The following LZTFL1 variants were observed in gnomAD, a reference collection of about 807,000 sequenced individuals.
LZTFL1 encodes the protein leucine zipper transcription factor like 1.
Under a neutral mutation model 45.9 loss-of-function variants are expected in LZTFL1, and 25 were observed. The ratio of observed to expected loss-of-function variants is 0.54; its 90% CI spans 0.40 to 0.76. LZTFL1 has a LOEUF of 0.76. Ranked by LOEUF, LZTFL1 falls within the 30% of genes least tolerant of loss-of-function variation. The probability of loss-of-function intolerance (pLI) is 0.00; values close to 1 mark genes in which losing one functional copy is unlikely to be tolerated. For synonymous variants in LZTFL1, 93 were observed against 117.4 expected (o/e 0.79, Z 1.35); for missense variants, 277 against 331.1 (o/e 0.84, Z 1.27).
At chr3:45,841,920 C>T (rs1023734790) in intron 1 of LZTFL1, 69 bp downstream of exon 1, 3 of 1,579,070 alleles carry the variant, frequency 1.9e-6, no homozygotes, top group South Asian at 2.3e-5. Context: ...GGCCCACCCG[C>T]TCAGTGTCTC....
At chr3:45,849,643 C>G (rs1701277153) in intron 4 of LZTFL1, among the ~76,000 whole-genome samples, 1 of 152,140 alleles carries the variant, frequency 6.6e-6, no homozygotes. Flanking sequence ...ACCCGGTCAG[C>G]CTGCAAAACT....
At chr3:45,850,274 G>C (rs901554528) in intron 4 of LZTFL1, among the ~76,000 whole-genome samples, 5 of 152,212 alleles carry the variant, frequency 3.3e-5, no homozygotes, top group African/African-American at 1.2e-4. Context: ...TTTGTGAAGA[G>C]AGAATGGAGG....
chr3:45,851,468 G>T (rs61587933), intron 4 of LZTFL1, among the ~76,000 whole-genome samples: 69 of 151,520 alleles, frequency 4.6e-4, no homozygotes, highest in African/African-American at 1.5e-3. Context: ...CTCATGATCC[G>T]CCCGCCTCGG....
rs145758884 is a variant in LZTFL1, at chr3:45,841,625, T to C, written c.3+364A>G. On this transcript the variant is annotated intron_variant, in intron 1 of 9. Transcript: ENST00000296135. ...GTGTGTGTGTGCGTAAACTTGGAGC[T>C]TCTTGAAATAGAGTTAAGAACCCTG... 1,989 of 337,804 alleles carry C rather than the reference T, an allele frequency of 5.9e-3. 12 individuals carry two copies. The highest frequency in any genetic ancestry group is 0.018 in the Middle Eastern group (21 of 1,162). 20.9% of individuals were successfully genotyped at this position (337,804 alleles called of 1,614,324 possible).
At chr3:45,827,510 A>T (rs749035937) in intron 8 of LZTFL1, 51 bp from the exon 9 acceptor site, 1 of 1,111,336 alleles carries the variant, frequency 9.0e-7, no homozygotes, top group Non-Finnish European at 1.4e-6. Context: ...TTAAGGAAAG[A>T]GATAACAAAT....
At chr3:45,886,847 G>A (rs1329823587) in intron 2 of LZTFL1, among the ~76,000 whole-genome samples, 1 of 152,054 alleles carries the variant, frequency 6.6e-6, no homozygotes, top group African/African-American at 2.4e-5. Flanking sequence ...TTTCTTGTAG[G>A]GCGAGTAATA....
chr3:45,913,324 T>A, intron 1 of LZTFL1: 1 of 601,000 alleles, frequency 1.7e-6, no homozygotes, highest in Non-Finnish European at 2.9e-6. Flanking sequence ...TTTTTTGGCC[T>A]CATCCACACC....
chr3:45,915,462 C>T (rs1195139862), exon 1 of LZTFL1: 1 of 454,782 alleles, frequency 2.2e-6, no homozygotes, highest in Non-Finnish European at 4.4e-6. Flanking sequence ...TGGCTTCCTT[C>T]TCTCCTCCGA....
At position 45,849,365 on chromosome 3, in the gene LZTFL1, C is replaced by T. The variant is rs116295038; in HGVS notation, c.-49+5621G>A. Among the ~76,000 whole-genome samples, 932 of 152,270 alleles carry T rather than the reference C, an allele frequency of 6.1e-3. 8 individuals carry two copies. The highest frequency in any genetic ancestry group is 0.018 in the African/African-American group (742 of 41,554). On this transcript the variant is annotated intron_variant, in intron 4 of 4. Coordinates refer to the LZTFL1 transcript ENST00000472635. The stretch of plus-strand genomic sequence containing the variant: ...GCCCAGCATGTGGACTCCTTACAAA[C>T]GCTAAGAGATTAAATGTTAGATGAG...
At chr3:45,838,185 C>A in intron 1 of LZTFL1, 134 bp from the exon 2 acceptor site, 1 of 951,780 alleles carries the variant, frequency 1.1e-6, no homozygotes, top group Non-Finnish European at 1.5e-6. Context: ...TTCTTCCTGG[C>A]TGCATGGCTG....
rs1169401073 is a variant in LZTFL1 at position 45,913,263 on chromosome 3, CTT to C, written c.-272-88_-272-87del. The C allele has an allele frequency of 6.9e-6, 7 of 1,014,758 alleles. No individual in the cohort carries two copies. In the East Asian group the frequency reaches 1.6e-4, roughly 24 times the overall value. The allele number at this position is 1,014,758 out of a possible 1,614,324, so 62.9% of individuals were successfully genotyped here. On this transcript the variant is annotated intron_variant, in intron 1 of 4. Coordinates refer to the LZTFL1 transcript ENST00000472635. ...AGTGCTGCAATGAGCTGATCTTTCT[CTT>C]GTTTTTCATGAGGACCTGCCACAAC...
Position 45,835,660 on chromosome 3 carries a change from G to A in LZTFL1, c.253C>T (p.Arg85Ter), listed in dbSNP as rs1374806070. 3 of 1,613,942 alleles carry A rather than the reference G, an allele frequency of 1.9e-6. No individual in the cohort carries two copies. Among genetic ancestry groups the A allele is most frequent in the Non-Finnish European group, 1.7e-6 (2 of 1,179,974 alleles). The change falls in exon 3 of 10, where the codon CGA becomes TGA. Residue 85 changes from arginine (R) to a stop codon, truncating the protein, a stop_gained. Transcript: ENST00000296135. LOFTEE classifies it high-confidence loss of function. ...NTAYTNVLLL[R>*]QLFAQAEKWY... Reference sequence around the variant, plus strand: ...TTCTCAGCTTGTGCAAACAGCTGTCGCAGAAGTAACACATTGGTATAGGCA... The same window carrying A: ...TTCTCAGCTTGTGCAAACAGCTGTCACAGAAGTAACACATTGGTATAGGCA...
chr3:45,885,430 C>T (rs940878495), intron 2 of LZTFL1, among the ~76,000 whole-genome samples: 18 of 152,138 alleles, frequency 1.2e-4, no homozygotes, highest in Non-Finnish European at 2.6e-4. Context: ...CAAAGTTTTA[C>T]CAAAACACCT....
intron 1 of LZTFL1, chr3:45,915,302 C>T: frequency 3.2e-6 from 1 of 308,170 alleles, no homozygotes; most frequent in Non-Finnish European, 6.6e-6. Context: ...CCCCTCTTTT[C>T]TCATCACTGC....
chr3:45,836,173 A>T (rs1700961527), intron 2 of LZTFL1, among the ~76,000 whole-genome samples: 1 of 152,158 alleles, frequency 6.6e-6, no homozygotes, highest in Non-Finnish European at 1.5e-5. Flanking sequence ...TTTCTCTAAC[A>T]TTTTAATAAC....
chr3:45,851,168 TCTAA>T (rs1236531735), intron 4 of LZTFL1, among the ~76,000 whole-genome samples: 1 of 152,022 alleles, frequency 6.6e-6, no homozygotes, highest in Non-Finnish European at 1.5e-5. Flanking sequence ...TGACCACTGC[TCTAA>T]CTCTCTCACT....
chr3:45,856,088 C>G (rs1701388696), intron 3 of LZTFL1, among the ~76,000 whole-genome samples: 1 of 151,560 alleles, frequency 6.6e-6, no homozygotes, highest in African/African-American at 2.4e-5. Context: ...GCCCATATAG[C>G]CAAGACAATC....
chr3:45,913,697 T>C (rs1426316624), intron 1 of LZTFL1, among the ~76,000 whole-genome samples: 1 of 152,204 alleles, frequency 6.6e-6, no homozygotes, highest in Non-Finnish European at 1.5e-5. Context: ...TAATTAGTAG[T>C]TAGGGTAAAG....
intron 2 of LZTFL1, chr3:45,895,005 C>T: frequency 6.4e-7 from 1 of 1,574,614 alleles, no homozygotes; most frequent in Non-Finnish European, 8.7e-7. Context: ...CTCATCTTCC[C>T]TTTTTAGGGG....
Sources: gnomAD v4.1 joint callset for allele counts (sites outside exome capture counted in the v4.1 genomes callset) on GRCh38, gnomAD v4.1.1 for gene constraint, MANE v1.5 for transcripts, NCBI Gene and HGNC (gene_info 2026-07-23, HGNC 2026-07-21) for gene names.